Variants in DEPTOR observed in about 807,000 individuals in gnomAD.
The protein encoded by DEPTOR is DEP domain containing MTOR interacting protein, also known as DEP domain-containing mTOR-interacting protein.
Under a neutral mutation model 41.6 loss-of-function variants are expected in DEPTOR, and 41 were observed. That is an observed-to-expected ratio of 0.98 (90% CI 0.77 to 1.28). The LOEUF (loss-of-function observed/expected upper bound fraction) is 1.28, where lower values mean the gene tolerates loss of function less well. Ranked by LOEUF, DEPTOR falls within the 50% of genes most tolerant of loss-of-function variation. The pLI is 0.00. For synonymous variants in DEPTOR, 195 were observed against 192.3 expected, an observed-to-expected ratio of 1.01 and a Z score of -0.12; for missense variants, 514 against 527.9, an observed-to-expected ratio of 0.97 and a Z score of 0.26.
intron 8 of DEPTOR, among the ~76,000 whole-genome samples, chr8:120,018,550 G>C (rs184516608): frequency 2.0e-5 from 3 of 152,260 alleles, no homozygotes; most frequent in Admixed American, 6.5e-5. Context: ...CTGCGCTCCA[G>C]CTTGTGCAAC....
chr8:119,893,990 CTAT>C (rs1827482756), intron 1 of DEPTOR, among the ~76,000 whole-genome samples: 1 of 152,126 alleles, frequency 6.6e-6, no homozygotes, highest in Non-Finnish European at 1.5e-5. Context: ...CTAACGGGAT[CTAT>C]ATACTTTTGG....
chr8:120,040,433 G>A (rs539185477), intron 8 of DEPTOR, among the ~76,000 whole-genome samples: 6 of 151,998 alleles, frequency 3.9e-5, no homozygotes, highest in Admixed American at 2.6e-4. Context: ...AAAATTAGCC[G>A]GGCGTGGTGG....
chr8:119,931,897 T>A (rs926486950), intron 3 of DEPTOR, among the ~76,000 whole-genome samples: 1 of 151,820 alleles, frequency 6.6e-6, no homozygotes, highest in African/African-American at 2.4e-5. Context: ...ATGCATGTCA[T>A]CTCCAAGGAT....
intron 1 of DEPTOR, among the ~76,000 whole-genome samples, chr8:119,909,315 T>A (rs1827707173): frequency 6.6e-6 from 1 of 152,236 alleles, no homozygotes; most frequent in Non-Finnish European, 1.5e-5. Context: ...ATGCGACAGA[T>A]AACTGATGAA....
intron 1 of DEPTOR, among the ~76,000 whole-genome samples, chr8:119,908,549 G>C (rs920144611): frequency 1.3e-5 from 2 of 152,156 alleles, no homozygotes; most frequent in African/African-American, 4.8e-5. Context: ...TTGATTTAAA[G>C]CCAGTCAGTT....
In DEPTOR at chr8:120,046,574, T is replaced by C. The variant is rs552401293; in HGVS notation, c.1102-3002T>C. 1.3e-3 allele frequency among the ~76,000 whole-genome samples: 193 copies of C among 152,328 alleles called. 2 individuals are homozygous for C. Among genetic ancestry groups the C allele is most frequent in the African/African-American group, 4.4e-3 (183 of 41,574 alleles). ...ATAATATTCCACTGTATGGATATAC[T>C]GAATTATATTTCTCCTTTCATCTGT... On this transcript the variant is annotated intron_variant, in intron 8 of 8. Coordinates refer to ENST00000286234, the MANE Select transcript of DEPTOR (RefSeq NM_022783.4).
At chr8:120,048,824 C>T (rs117643103) in intron 8 of DEPTOR, among the ~76,000 whole-genome samples, 38 of 152,146 alleles carry the variant, frequency 2.5e-4, no homozygotes, top group Admixed American at 7.2e-4. Flanking sequence ...ACAAGTGAGG[C>T]ATTTATATCG....
intron 8 of DEPTOR, among the ~76,000 whole-genome samples, chr8:120,036,290 G>A (rs1177289497): frequency 6.6e-6 from 1 of 152,212 alleles, no homozygotes; most frequent in Admixed American, 6.5e-5. Flanking sequence ...TTGTCTTATT[G>A]TGAAAGTTAG....
intron 1 of DEPTOR, among the ~76,000 whole-genome samples, chr8:119,904,228 A>G (rs1396000613): frequency 6.7e-6 from 1 of 149,898 alleles, no homozygotes; most frequent in Non-Finnish European, 1.5e-5. Flanking sequence ...AGCAGTTCTC[A>G]TGTCTCAGCC....
At chr8:120,021,788 A>G (rs1257231865) in intron 8 of DEPTOR, among the ~76,000 whole-genome samples, 1 of 152,210 alleles carries the variant, frequency 6.6e-6, no homozygotes, top group African/African-American at 2.4e-5. Context: ...TATCAAGCCC[A>G]TGCCCATATC....
At position 119,928,520 on chromosome 8, in the gene DEPTOR, C is replaced by T. The variant is rs1327962427; in HGVS notation, c.243C>T (p.Asp81=). The change falls in exon 2 of 9, where the codon GAC becomes GAT. Residue 81 remains aspartate, a synonymous_variant. Transcript: ENST00000286234. ...DWLIEHKEAS[D]RETAIKLMQK... ...TGATTGAACACAAAGAGGCTTCTGA[C>T]AGAGAGACGGCAATTAAACTCATGC... is the stretch of plus-strand genomic sequence containing the variant. 2 of 1,614,162 alleles carry T rather than the reference C, an allele frequency of 1.2e-6. No individual in the cohort carries two copies. Among genetic ancestry groups the T allele is most frequent in the Non-Finnish European group, 1.7e-6 (2 of 1,180,016 alleles).
chr8:119,912,646 G>GA (rs34129266), intron 1 of DEPTOR, among the ~76,000 whole-genome samples: 1 of 152,212 alleles, frequency 6.6e-6, no homozygotes, highest in Non-Finnish European at 1.5e-5. Flanking sequence ...CCTGTGAACT[G>GA]AAAATAGATG....
intron 4 of DEPTOR, among the ~76,000 whole-genome samples, chr8:119,988,673 G>C (rs1438672270): frequency 6.6e-6 from 1 of 151,932 alleles, no homozygotes; most frequent in African/African-American, 2.4e-5. Flanking sequence ...AGTAGAGATG[G>C]GGTTTCACCA....
chr8:119,970,626 T>C (rs374157119), intron 4 of DEPTOR, among the ~76,000 whole-genome samples: 2 of 152,218 alleles, frequency 1.3e-5, no homozygotes, highest in East Asian at 1.9e-4. Context: ...AGTTACATAA[T>C]AGACCTTTGA....
At position 119,950,090 on chromosome 8, in the gene DEPTOR, A is replaced by T. The variant is rs528058758; in HGVS notation, c.426-15142A>T. 1.4e-4 allele frequency among the ~76,000 whole-genome samples: 21 copies of T among 152,320 alleles called. No homozygotes were observed. The South Asian group carries it at 4.3e-3, about 32-fold the overall frequency. On this transcript the variant is annotated intron_variant, in intron 3 of 8. Transcript: ENST00000286234. ...TAAGGATCCAACTTCTGTATTTTGCATGTGACTATCTAACTGTCCCTGCAC... is the reference window on the plus strand; with the variant it reads ...TAAGGATCCAACTTCTGTATTTTGCTTGTGACTATCTAACTGTCCCTGCAC...
chr8:119,961,056 T>C (rs552634109), intron 3 of DEPTOR, among the ~76,000 whole-genome samples: 26 of 151,932 alleles, frequency 1.7e-4, no homozygotes, highest in Middle Eastern at 3.4e-3. Flanking sequence ...TGGGATAAAC[T>C]TAAATCTTTG....
rs147577297 is a variant in DEPTOR, at chr8:119,972,396, A to T, written c.604+6986A>T. On this transcript the variant is annotated intron_variant, in intron 4 of 8. Coordinates refer to ENST00000286234, the MANE Select transcript of DEPTOR (RefSeq NM_022783.4). The stretch of plus-strand genomic sequence containing the variant: ...CCAGCACTTTGGGAGGCTGAGGCAG[A>T]CGGATCACTTGAGGTCAGGAGTTCA... Among the ~76,000 whole-genome samples the T allele has an allele frequency of 4.2e-3, 635 of 152,136 alleles. 8 individuals are homozygous for T. Among genetic ancestry groups the T allele is most frequent in the Non-Finnish European group, 3.7e-3 (249 of 67,972 alleles).
At chr8:120,035,019 AAG>A (rs1812958952) in intron 8 of DEPTOR, among the ~76,000 whole-genome samples, 1 of 118,688 alleles carries the variant, frequency 8.4e-6, no homozygotes, top group African/African-American at 3.8e-5. Context: ...TACATGTGTT[AAG>A]ACTCTGTGTC....
At chr8:120,000,112 A>G (rs1812325076) in intron 4 of DEPTOR, among the ~76,000 whole-genome samples, 1 of 151,930 alleles carries the variant, frequency 6.6e-6, no homozygotes, top group South Asian at 2.1e-4. Context: ...AACTCTCTGT[A>G]CTCTTTGCCG....
Sources: gnomAD v4.1 joint callset for allele counts (sites outside exome capture counted in the v4.1 genomes callset) on GRCh38, gnomAD v4.1.1 for gene constraint, MANE v1.5 for transcripts, NCBI Gene and HGNC (gene_info 2026-07-23, HGNC 2026-07-21) for gene names.